The following MTUS2 variants were observed in gnomAD, a reference collection of about 807,000 sequenced individuals.
MTUS2 encodes the protein microtubule-associated tumor suppressor candidate 2.
A neutral mutation model predicts 114.1 loss-of-function variants in MTUS2; 40 were observed. The ratio of observed to expected loss-of-function variants is 0.35; its 90% CI spans 0.27 to 0.46. The LOEUF (loss-of-function observed/expected upper bound fraction) is 0.46. Ranked by LOEUF, MTUS2 falls within the 20% of genes least tolerant of loss-of-function variation. MTUS2 has a pLI of 1.00. For missense variants in MTUS2, 1,679 were observed against 1,705.4 expected (o/e 0.98, Z 0.27); for synonymous variants, 688 against 672.0 (o/e 1.02, Z -0.37).
At chr13:29,441,140 C>T (rs566631201) in intron 9 of MTUS2, among the ~76,000 whole-genome samples, 55 of 152,176 alleles carry the variant, frequency 3.6e-4, no homozygotes, top group African/African-American at 1.1e-3. Context: ...GTGTGTGATC[C>T]GGAGCAGCAG....
Position 29,034,094 on chromosome 13 carries a change from A to G in MTUS2, c.2415A>G (p.Thr805=). Residue 805 remains threonine, a synonymous_variant, in exon 4 of 16, where the codon ACA becomes ACG. Coordinates refer to ENST00000612955, the MANE Select transcript of MTUS2 (RefSeq NM_001033602.4). ...SAIHPPGPIT[T]ATSLYSSDPS... ...TCCACCCACCAGGACCCATAACAAC[A>G]GCCACCAGTCTCTACAGTTCCGATC... The G allele has an allele frequency of 6.2e-7, 1 of 1,614,038 alleles. No homozygotes were observed. The highest frequency in any genetic ancestry group is 8.5e-7 in the Non-Finnish European group (1 of 1,179,892).
At chr13:29,207,591 G>A (rs1401107651) in intron 5 of MTUS2, among the ~76,000 whole-genome samples, 2 of 151,942 alleles carry the variant, frequency 1.3e-5, no homozygotes, top group Admixed American at 6.5e-5. Context: ...AACTTAAAGT[G>A]TATCCTTTCT....
At chr13:29,387,363 G>A (rs535288512) in intron 8 of MTUS2, among the ~76,000 whole-genome samples, 7 of 152,326 alleles carry the variant, frequency 4.6e-5, no homozygotes, top group Admixed American at 4.6e-4. Context: ...TGCGGTTGGA[G>A]AAGGCCTCTA....
chr13:28,977,650 A>G (rs957171692), intron 2 of MTUS2, among the ~76,000 whole-genome samples: 1 of 152,246 alleles, frequency 6.6e-6, no homozygotes, highest in Non-Finnish European at 1.5e-5. Flanking sequence ...TCGCTGTATT[A>G]TCAGGTGGAG....
intron 5 of MTUS2, among the ~76,000 whole-genome samples, chr13:29,227,462 A>G (rs566125271): frequency 6.6e-6 from 1 of 152,278 alleles, no homozygotes; most frequent in Non-Finnish European, 1.5e-5. Flanking sequence ...AGCTGCACCA[A>G]GTGACCTGAG....
At chr13:29,141,546 A>T (rs1235815411) in intron 5 of MTUS2, among the ~76,000 whole-genome samples, 8 of 152,184 alleles carry the variant, frequency 5.3e-5, no homozygotes, top group Admixed American at 5.2e-4. Flanking sequence ...ATGGAGCCCC[A>T]TGACGACAAG....
intron 8 of MTUS2, among the ~76,000 whole-genome samples, chr13:29,438,011 G>A (rs1218118256): frequency 1.3e-5 from 2 of 151,210 alleles, no homozygotes; most frequent in Non-Finnish European, 2.9e-5. Flanking sequence ...TAATTAATAT[G>A]GAAAAGCACC....
intron 1 of MTUS2, among the ~76,000 whole-genome samples, chr13:28,838,822 C>G (rs566249616): frequency 2.2e-4 from 34 of 152,298 alleles, no homozygotes; most frequent in Admixed American, 1.7e-3. Flanking sequence ...CACATAAGCC[C>G]TTCCAAATGC....
chr13:28,903,273 A>G (rs1450731451), intron 2 of MTUS2, among the ~76,000 whole-genome samples: 1 of 151,202 alleles, frequency 6.6e-6, no homozygotes, highest in Non-Finnish European at 1.5e-5. Flanking sequence ...TTATTTTACT[A>G]TTATTATGCT....
At chr13:29,379,693 A>G (rs1410623146) in intron 8 of MTUS2, among the ~76,000 whole-genome samples, 1 of 152,196 alleles carries the variant, frequency 6.6e-6, no homozygotes, top group Non-Finnish European at 1.5e-5. Context: ...CTCAGGGTGG[A>G]GAAGGAGAGA....
At chr13:29,160,402 A>G (rs1893043632) in intron 5 of MTUS2, among the ~76,000 whole-genome samples, 1 of 152,208 alleles carries the variant, frequency 6.6e-6, no homozygotes, top group African/African-American at 2.4e-5. Flanking sequence ...ATACATGTTA[A>G]TCCATGAATT....
chr13:29,463,453 T>C (rs1879657471), intron 9 of MTUS2, among the ~76,000 whole-genome samples: 1 of 152,216 alleles, frequency 6.6e-6, no homozygotes, highest in African/African-American at 2.4e-5. Context: ...AGGAAGATTT[T>C]TTTTAGTTTC....
chr13:29,050,569 G>A (rs188252120), intron 4 of MTUS2, among the ~76,000 whole-genome samples: 14 of 152,026 alleles, frequency 9.2e-5, no homozygotes, highest in African/African-American at 3.1e-4. Context: ...CATCCACCTC[G>A]GTCACAACCA....
chr13:29,246,643 G>A (rs1208888682), intron 5 of MTUS2, among the ~76,000 whole-genome samples: 2 of 152,194 alleles, frequency 1.3e-5, no homozygotes, highest in African/African-American at 2.4e-5. Flanking sequence ...TTCTGAATGT[G>A]TATAGCTGAG....
intron 2 of MTUS2, among the ~76,000 whole-genome samples, chr13:28,979,894 A>C (rs1884280991): frequency 6.6e-6 from 1 of 152,072 alleles, no homozygotes; most frequent in South Asian, 2.1e-4. Context: ...GGGGAGGGGG[A>C]CTTTAAAATG....
chr13:29,176,289 A>G (rs563087577), intron 5 of MTUS2, among the ~76,000 whole-genome samples: 3 of 152,244 alleles, frequency 2.0e-5, no homozygotes, highest in South Asian at 2.1e-4. Context: ...ATGTAGCATC[A>G]TGGTGGAGGG....
intron 4 of MTUS2, among the ~76,000 whole-genome samples, chr13:29,083,208 G>A (rs913552708): frequency 1.3e-5 from 2 of 152,112 alleles, no homozygotes. Flanking sequence ...TATGCACAAG[G>A]CAATGGCCCA....
chr13:29,299,703 T>C (rs1899109096), intron 6 of MTUS2, among the ~76,000 whole-genome samples: 1 of 152,168 alleles, frequency 6.6e-6, no homozygotes, highest in Non-Finnish European at 1.5e-5. Context: ...AGTTGTTTCT[T>C]TGTAAAGCTA....
intron 5 of MTUS2, among the ~76,000 whole-genome samples, chr13:29,182,135 T>C (rs1009140107): frequency 2.0e-5 from 3 of 152,216 alleles, no homozygotes; most frequent in African/African-American, 2.4e-5. Context: ...GGTTCAGATA[T>C]CTATAGCTTG....
Sources: gnomAD v4.1 joint callset for allele counts (sites outside exome capture counted in the v4.1 genomes callset) on GRCh38, gnomAD v4.1.1 for gene constraint, MANE v1.5 for transcripts, NCBI Gene and HGNC (gene_info 2026-07-23, HGNC 2026-07-21) for gene names.